BRWD3: variants seen among roughly 807,000 people sequenced by gnomAD.
BRWD3 encodes bromodomain and WD repeat domain containing 3, also known as bromodomain and WD repeat-containing protein 3.
Under a neutral mutation model 149.7 loss-of-function variants are expected in BRWD3, and 10 were observed. The ratio of observed to expected loss-of-function variants is 0.07; its 90% CI spans 0.04 to 0.11. BRWD3 has a LOEUF of 0.11. BRWD3 is among the 10% of genes least tolerant of loss of function. The pLI is 1.00. For synonymous variants in BRWD3, 504 were observed against 456.7 expected, an observed-to-expected ratio of 1.10 and a Z score of -1.32; for missense variants, 940 against 1,373.2, an observed-to-expected ratio of 0.68 and a Z score of 4.99.
intron 8 of BRWD3, among the ~76,000 whole-genome samples, chrX:80,740,402 C>A (rs2073468085): frequency 8.9e-6 from 1 of 111,886 alleles, no homozygotes; most frequent in South Asian, 3.7e-4. Flanking sequence ...TCTGGTAAAA[C>A]CACTATGTGG....
At chrX:80,695,223 G>C in intron 27 of BRWD3, among the ~76,000 whole-genome samples, 1 of 111,380 alleles carries the variant, frequency 9.0e-6, no homozygotes, top group African/African-American at 3.3e-5. Flanking sequence ...AAGGCCTCCC[G>C]AGCCATGTGG....
chrX:80,730,437 G>GAAAGAAAGAAAC (rs1388656644), intron 12 of BRWD3, among the ~76,000 whole-genome samples: 2 of 109,151 alleles, frequency 1.8e-5, no homozygotes, highest in African/African-American at 6.7e-5. Flanking sequence ...AAGAAAGAAA[G>GAAAGAAAGAAAC]AAAGAAAGAA....
At chrX:80,755,222 A>T (rs1255797147) in intron 6 of BRWD3, among the ~76,000 whole-genome samples, 1 of 111,428 alleles carries the variant, frequency 9.0e-6, no homozygotes, top group Non-Finnish European at 1.9e-5. Flanking sequence ...GTAAAAATTG[A>T]AAAAAGTGAA....
At chrX:80,737,114 TATTC>T (rs1271875762) in intron 8 of BRWD3, among the ~76,000 whole-genome samples, 2 of 111,594 alleles carry the variant, frequency 1.8e-5, no homozygotes, top group Non-Finnish European at 3.8e-5. Context: ...TCATTAATAT[TATTC>T]ATTAACAACT....
chrX:80,687,427 T>C (rs985784220), intron 34 of BRWD3, among the ~76,000 whole-genome samples: 1 of 111,554 alleles, frequency 9.0e-6, no homozygotes, highest in African/African-American at 3.3e-5. Context: ...AATTCTGTTG[T>C]GTACCATTTG....
intron 6 of BRWD3, among the ~76,000 whole-genome samples, chrX:80,790,593 C>A (rs2074170636): frequency 9.1e-6 from 1 of 110,040 alleles, no homozygotes; most frequent in Non-Finnish European, 1.9e-5. Context: ...GTTTATTTTA[C>A]AAAACCAGCA....
At position 80,783,384 on chromosome X, in the gene BRWD3, TAA is replaced by T. The variant is rs57607463; in HGVS notation, c.430+8468_430+8469del. On this transcript the variant is annotated intron_variant, in intron 6 of 40. Transcript: ENST00000373275. ...CTGGGTGACAGAGTGAGACCCTGTC[TAA>T]AAAAAAAAAAAAAAAATCCAAAAGA... Among the ~76,000 whole-genome samples, 239 of 85,052 alleles carry T rather than the reference TAA, an allele frequency of 2.8e-3. 1 individual carries two copies. The highest frequency in any genetic ancestry group is 4.3e-3 in the Admixed American group (31 of 7,281). The allele number at this position is 85,052 out of a possible 115,157, so 73.9% of individuals were successfully genotyped here.
chrX:80,785,547 C>T (rs775847805), intron 6 of BRWD3, among the ~76,000 whole-genome samples: 12 of 111,507 alleles, frequency 1.1e-4, no homozygotes, highest in Non-Finnish European at 1.7e-4. Context: ...ATACGAACGA[C>T]GGAAACATTT....
At chrX:80,777,667 GGATTACAGGCAC>G (rs1432659420) in intron 6 of BRWD3, among the ~76,000 whole-genome samples, 1 of 111,375 alleles carries the variant, frequency 9.0e-6, no homozygotes, top group Non-Finnish European at 1.9e-5. Context: ...CAAACTGTTG[GGATTACAGGCAC>G]GAGCCACCAT....
At chrX:80,681,562 C>T in intron 39 of BRWD3, 63 bp from the exon 40 acceptor site, 1 of 938,159 alleles carries the variant, frequency 1.1e-6, no homozygotes, top group Non-Finnish European at 1.5e-6. Flanking sequence ...GTTAAACAGG[C>T]TACTTTTTGA....
chrX:80,712,682 G>A (rs1379525203), intron 20 of BRWD3, among the ~76,000 whole-genome samples: 21 of 95,793 alleles, frequency 2.2e-4, no homozygotes, highest in African/African-American at 5.9e-4. Context: ...CTGCCCAGCC[G>A]CCATCCCATC....
intron 6 of BRWD3, among the ~76,000 whole-genome samples, chrX:80,755,030 T>C (rs922725465): frequency 9.0e-6 from 1 of 111,188 alleles, no homozygotes; most frequent in African/African-American, 3.3e-5. Flanking sequence ...AAAGGAATAC[T>C]GAATTTTAAG....
intron 22 of BRWD3, among the ~76,000 whole-genome samples, chrX:80,706,543 A>G (rs917617121): frequency 8.9e-6 from 1 of 112,199 alleles, no homozygotes; most frequent in Non-Finnish European, 1.9e-5. Context: ...AGGATCATCA[A>G]TATCACCGTC....
Position 80,670,212 on chromosome X carries a change from T to C in BRWD3, c.*6397A>G, listed in dbSNP as rs1374001977. On this transcript the variant is annotated 3_prime_UTR_variant, in exon 41 of 41. Transcript: ENST00000373275. Reference sequence around the variant, plus strand: ...ATTTAATATTATTGTTTGATCTACCTGTGTTTTGTAGCATTAAAAAGCCCT... The same window carrying C: ...ATTTAATATTATTGTTTGATCTACCCGTGTTTTGTAGCATTAAAAAGCCCT... Among the ~76,000 whole-genome samples the C allele has an allele frequency of 1.8e-5, 2 of 111,106 alleles. No homozygotes were observed. Among genetic ancestry groups the C allele is most frequent in the East Asian group, 5.6e-4 (2 of 3,560 alleles).
rs1275920779 is a variant in BRWD3, at chrX:80,671,100, A to G, written c.*5509T>C. ...TAAAGCACCATTTACAATGTAGGTA[A>G]TCTTACTATACATTTTAAAATGTCA... On this transcript the variant is annotated 3_prime_UTR_variant, in exon 41 of 41. Coordinates refer to ENST00000373275, the MANE Select transcript of BRWD3 (RefSeq NM_153252.5). 1 of 111,430 alleles carries G rather than the reference A, an allele frequency of 9.0e-6. No individual in the cohort carries two copies. Among genetic ancestry groups the G allele is most frequent in the Non-Finnish European group, 1.9e-5 (1 of 53,134 alleles). The allele number at this position is 111,430 out of a possible 1,213,427, so 9.2% of individuals were successfully genotyped here. A position where few individuals can be genotyped will look rare whatever the true frequency, so the allele number is the denominator to read the frequency against.
At chrX:80,759,795 T>C (rs1406864223) in intron 6 of BRWD3, among the ~76,000 whole-genome samples, 2 of 111,435 alleles carry the variant, frequency 1.8e-5, no homozygotes, top group Middle Eastern at 4.2e-3. Flanking sequence ...AAGGGCAGTG[T>C]CGAGCATTAG....
chrX:80,688,582 A>T (rs761400261), intron 33 of BRWD3, among the ~76,000 whole-genome samples: 97 of 111,251 alleles, frequency 8.7e-4, no homozygotes, highest in Non-Finnish European at 1.3e-3. Flanking sequence ...TCTCTAAGGG[A>T]TAATTTTTTA....
In BRWD3 at chrX:80,717,645, A is replaced by G; in HGVS notation, c.2159T>C (p.Met720Thr). 1 of 1,211,639 alleles carries G rather than the reference A, an allele frequency of 8.3e-7. No homozygotes were observed. The highest frequency in any genetic ancestry group is 1.1e-6 in the Non-Finnish European group (1 of 895,257). ...QMHNNAPRSQ[M>T]ATERDLMAWS... ...CGCCATGAGATCTCTTTCAGTGGCCATCTGGCTCCGAGGAGCATTGTTATG... is the reference window on the plus strand; with the variant it reads ...CGCCATGAGATCTCTTTCAGTGGCCGTCTGGCTCCGAGGAGCATTGTTATG... Residue 720 changes from methionine to threonine, a missense_variant, in exon 19 of 41, where the codon ATG becomes ACG. Transcript: ENST00000373275.
Position 80,784,222 on chromosome X carries a change from A to G in BRWD3, c.430+7632T>C, listed in dbSNP as rs139592206. Among the ~76,000 whole-genome samples the G allele has an allele frequency of 6.5e-3, 719 of 110,990 alleles. 5 individuals are homozygous for G. The highest frequency in any genetic ancestry group is 9.7e-3 in the Non-Finnish European group (512 of 53,007). On this transcript the variant is annotated intron_variant, in intron 6 of 40. Transcript: ENST00000373275. Reference sequence around the variant, plus strand: ...ATACACATCTACTATGTACCTATAAAAACCAGAAATTGATTATCAGTCTCA... The same window carrying G: ...ATACACATCTACTATGTACCTATAAGAACCAGAAATTGATTATCAGTCTCA...
Sources: allele counts gnomAD v4.1 joint callset (sites outside exome capture counted in the v4.1 genomes callset), GRCh38; gene constraint gnomAD v4.1.1; transcripts MANE v1.5; gene names NCBI Gene and HGNC (gene_info 2026-07-23, HGNC 2026-07-21).